Variants in ALAS2 observed in about 807,000 individuals in gnomAD.
ALAS2 encodes 5-aminolevulinate synthase, erythroid-specific, mitochondrial.
Under a neutral mutation model 33.7 loss-of-function variants are expected in ALAS2, and 3 were observed. The ratio of observed to expected loss-of-function variants is 0.09; its 90% CI spans 0.04 to 0.23. ALAS2 has a LOEUF of 0.23. Ranked by LOEUF, ALAS2 falls within the 10% of genes least tolerant of loss-of-function variation. The pLI, the probability that ALAS2 is intolerant of heterozygous loss-of-function variation, is 1.00. For missense variants in ALAS2, 304 were observed against 475.1 expected, an observed-to-expected ratio of 0.64 and a Z score of 3.35; for synonymous variants, 191 against 177.3, an observed-to-expected ratio of 1.08 and a Z score of -0.61.
chrX:55,028,361 C>T (rs1246740976), intron 1 of ALAS2, among the ~76,000 whole-genome samples: 1 of 111,068 alleles, frequency 9.0e-6, no homozygotes, highest in East Asian at 2.8e-4. Flanking sequence ...CCCAGAAGTG[C>T]AGGCAAGGCA....
chrX:55,023,669 T>A, intron 4 of ALAS2, 88 bp downstream of exon 4: 1 of 783,227 alleles, frequency 1.3e-6, no homozygotes, highest in Non-Finnish European at 1.9e-6. Flanking sequence ...CCAAGGCCCT[T>A]CTGTACTGTT....
chrX:55,019,503 G>A (rs767030154), intron 6 of ALAS2, among the ~76,000 whole-genome samples: 13 of 111,085 alleles, frequency 1.2e-4, no homozygotes, highest in Middle Eastern at 4.6e-3. Context: ...GGAAGGCTGA[G>A]GATAATGGTG....
At position 55,017,623 on chromosome X, in the gene ALAS2, A is replaced by G; in HGVS notation, c.866T>C (p.Ile289Thr). 1.7e-6 allele frequency: 2 copies of G among 1,211,831 alleles called. No individual in the cohort carries two copies. The highest frequency in any genetic ancestry group is 1.1e-6 in the Non-Finnish European group (1 of 895,539). Residue 289 changes from isoleucine (I) to threonine (T), a missense_variant, in exon 7 of 11, where the codon ATC (isoleucine) becomes ACC (threonine). Ile to Thr is a moderately conservative substitution (Grantham distance 89). Coordinates refer to ENST00000650242, the MANE Select transcript of ALAS2 (RefSeq NM_000032.5). ...YSDAGNHASM[I>T]QGIRNSGAAK... Reference sequence around the variant, plus strand: ...TGCTCCACTGTTACGGATACCTTGGATCATGGAAGCATGGTTGCCTGCGTC... The same window carrying G: ...TGCTCCACTGTTACGGATACCTTGGGTCATGGAAGCATGGTTGCCTGCGTC...
chrX:55,014,661 G>T, intron 9 of ALAS2, 86 bp downstream of exon 9: 1 of 1,006,768 alleles, frequency 9.9e-7, no homozygotes, highest in Non-Finnish European at 1.3e-6. Flanking sequence ...AATAATTGAA[G>T]ACAGCAACAG....
At chrX:55,025,644 C>T (rs1173802546) in intron 2 of ALAS2, among the ~76,000 whole-genome samples, 176 bp downstream of exon 2, 1 of 112,211 alleles carries the variant, frequency 8.9e-6, no homozygotes, top group African/African-American at 3.2e-5. Flanking sequence ...GAATGAGACT[C>T]TTTCTAGAGA....
At chrX:55,022,544 G>T (rs1935819833) in intron 4 of ALAS2, among the ~76,000 whole-genome samples, 2 of 111,702 alleles carry the variant, frequency 1.8e-5, no homozygotes, top group African/African-American at 3.2e-5. Flanking sequence ...GGCTGGTAAG[G>T]GTATGAGACT....
chrX:55,027,560 A>G (rs1376678340), intron 1 of ALAS2, among the ~76,000 whole-genome samples: 1 of 111,615 alleles, frequency 9.0e-6, no homozygotes, highest in Non-Finnish European at 1.9e-5. Context: ...GGACAGTACA[A>G]TGGGAGAGAC....
chrX:55,014,942 A>G lies in ALAS2; in HGVS notation c.1242T>C (p.Ala414=). 8.3e-7 allele frequency: 1 copy of G among 1,209,620 alleles called. No individual in the cohort carries two copies. Among genetic ancestry groups the G allele is most frequent in the Non-Finnish European group, 1.1e-6 (1 of 894,223 alleles). ...GAGAAGTGGTAAAGATGAAGCCTGC[A>G]GCATAGGAGCGCACCATGTCCACCA... ...RDLVDMVRSY[A]AGFIFTTSLP... Residue 414 remains alanine (A), a synonymous_variant, in exon 9 of 11, where the codon GCT becomes GCC. Transcript: ENST00000650242.
chrX:55,015,791 C>T, intron 7 of ALAS2, 49 bp from the exon 8 acceptor site: 1 of 1,183,231 alleles, frequency 8.5e-7, no homozygotes, highest in South Asian at 1.8e-5. Flanking sequence ...CCTTCCCCAG[C>T]TCCATCTCCA....
intron 1 of ALAS2, chrX:55,027,845 A>C: frequency 8.8e-7 from 1 of 1,140,778 alleles, no homozygotes; most frequent in Non-Finnish European, 1.2e-6. Context: ...TGTGGGGCCA[A>C]GGCATGTGGG....
At chrX:55,027,351 CAGAG>C (rs1247186480) in intron 1 of ALAS2, among the ~76,000 whole-genome samples, 1 of 108,966 alleles carries the variant, frequency 9.2e-6, no homozygotes, top group African/African-American at 3.4e-5. Context: ...GACTGAGGGA[CAGAG>C]AGAAGAGAGT....
chrX:55,024,832 A>G lies in ALAS2; in HGVS notation c.190T>C (p.Ser64Pro), dbSNP rs201875716. Residue 64 changes from serine (S) to proline (P), a missense_variant, in exon 3 of 11, where the codon TCT becomes CCT. This residue lies in a region of ALAS2 where 71 missense variants were observed against 82.8 expected (regional missense o/e 0.86). Transcript: ENST00000650242. ...AAGGGACAGTGGCCCTTCGCCCAAG[A>G]TGGAGAATCTATGCAAAGGTAAGAG... ...KATKAGGDSPSWAKGHCPFML... is the reference protein window; with the variant it reads ...KATKAGGDSPPWAKGHCPFML... 1.5e-4 allele frequency: 181 copies of G among 1,209,901 alleles called. No homozygotes were observed. The highest frequency in any genetic ancestry group is 1.9e-4 in the Non-Finnish European group (172 of 895,078).
intron 7 of ALAS2, 122 bp from the exon 8 acceptor site, chrX:55,015,864 G>A: frequency 1.3e-6 from 1 of 768,041 alleles, no homozygotes; most frequent in Non-Finnish European, 2.0e-6. Flanking sequence ...GAGGAAGGAG[G>A]ATGTGCGCCT....
At chrX:55,011,116 G>A (rs1935595080) in intron 10 of ALAS2, among the ~76,000 whole-genome samples, 1 of 111,038 alleles carries the variant, frequency 9.0e-6, no homozygotes, top group Non-Finnish European at 1.9e-5. Flanking sequence ...ATGTGGGGAG[G>A]AGGTGAGGGC....
chrX:55,019,567 T>C (rs1935764639), intron 6 of ALAS2, among the ~76,000 whole-genome samples: 1 of 111,419 alleles, frequency 9.0e-6, no homozygotes, highest in Admixed American at 9.6e-5. Context: ...AATGGGATTG[T>C]CAGAGACCAT....
At chrX:55,011,498 C>A (rs1033847945) in intron 10 of ALAS2, among the ~76,000 whole-genome samples, 1 of 111,059 alleles carries the variant, frequency 9.0e-6, no homozygotes, top group Non-Finnish European at 1.9e-5. Context: ...TAGAAAAATC[C>A]CTCTAGTGGT....
chrX:55,027,820 C>T (rs1009497857), intron 1 of ALAS2: 5 of 1,207,926 alleles, frequency 4.1e-6, no homozygotes, highest in Non-Finnish European at 5.6e-6. Flanking sequence ...GCTGTCACAG[C>T]AGCCTGGGTT....
Position 55,009,272 on chromosome X carries a change from A to G in ALAS2, c.1672T>C (p.Cys558Arg). The part of the protein sequence containing the change: ...QDVSVAACNF[C>R]RRPVHFELMS... ...AGCTCAAAGTGTACAGGACGGCGAC[A>G]GAAATTGCAGGCAGCCACAGACACA... Residue 558 changes from cysteine to arginine, a missense_variant, in exon 11 of 11, where the codon TGT (cysteine) becomes CGT (arginine). Around this residue, in one of 3 missense-constraint regions of ALAS2, gnomAD observed 95 missense variants for 127.0 expected, o/e 0.75. Transcript: ENST00000650242. The G allele has an allele frequency of 8.3e-7, 1 of 1,206,332 alleles. No individual in the cohort carries two copies. Among genetic ancestry groups the G allele is most frequent in the Non-Finnish European group, 1.1e-6 (1 of 892,974 alleles).
At chrX:55,027,027 C>T (rs748138140) in intron 1 of ALAS2, among the ~76,000 whole-genome samples, 1 of 108,248 alleles carries the variant, frequency 9.2e-6, no homozygotes, top group East Asian at 2.9e-4. Context: ...GGAAAGGGAG[C>T]AGGGTAGAGA....
Sources: allele counts gnomAD v4.1 joint callset (sites outside exome capture counted in the v4.1 genomes callset), GRCh38; gene constraint gnomAD v4.1.1; regional missense constraint gnomAD v4.1.1; transcripts MANE v1.5; gene names NCBI Gene and HGNC (gene_info 2026-07-23, HGNC 2026-07-21).